Variants in RAPGEF2 observed in about 807,000 individuals in gnomAD.
RAPGEF2 encodes the protein PDZ domain containing guanine nucleotide exchange factor (GEF) 1.
A neutral mutation model predicts 186.7 loss-of-function variants in RAPGEF2; 54 were observed. That is an observed-to-expected ratio of 0.29 (90% CI 0.23 to 0.36). The LOEUF (loss-of-function observed/expected upper bound fraction) is 0.36. Among genes scored for constraint, RAPGEF2 ranks in the 10% least tolerant of loss-of-function variants. The pLI is 1.00. For missense variants in RAPGEF2, 1,532 were observed against 2,045.0 expected (o/e 0.75, Z 4.84); for synonymous variants, 712 against 705.9 (o/e 1.01, Z -0.14).
intron 1 of RAPGEF2, among the ~76,000 whole-genome samples, chr4:159,158,995 C>A (rs1744420271): frequency 6.6e-6 from 1 of 152,154 alleles, no homozygotes; most frequent in African/African-American, 2.4e-5. Flanking sequence ...TTAACGGCAA[C>A]ACTATAAAGT....
intron 7 of RAPGEF2, among the ~76,000 whole-genome samples, chr4:159,292,585 C>T (rs181439793): frequency 4.9e-4 from 75 of 152,238 alleles, no homozygotes; most frequent in African/African-American, 1.6e-3. Context: ...AGTACATCCA[C>T]CCTTCTTCCT....
At position 159,360,010 on chromosome 4, in the gene RAPGEF2, G is replaced by A. The variant is rs938831387; in HGVS notation, c.*1871G>A. ...GTATGTCTTTTAGAAAGACATTGGT[G>A]GAGTCTGTATCCCTTTTGTATTTTT... On this transcript the variant is annotated 3_prime_UTR_variant, in exon 30 of 30. Coordinates refer to ENST00000691494, the MANE Select transcript of RAPGEF2 (RefSeq NM_001394067.2). 6.6e-6 allele frequency: 1 copy of A among 152,156 alleles called. No individual in the cohort carries two copies. The highest frequency in any genetic ancestry group is 1.5e-5 in the Non-Finnish European group (1 of 68,032). 9.4% of individuals were successfully genotyped at this position (152,156 alleles called of 1,614,324 possible).
At chr4:159,347,131 A>T in intron 25 of RAPGEF2, 133 bp downstream of exon 25, 2 of 848,314 alleles carry the variant, frequency 2.4e-6, no homozygotes, top group Non-Finnish European at 3.6e-6. Context: ...CTCCTAATAA[A>T]ACATGAACAC....
chr4:159,253,493 G>T (rs571685868), intron 7 of RAPGEF2, among the ~76,000 whole-genome samples: 6 of 152,134 alleles, frequency 3.9e-5, no homozygotes, highest in Non-Finnish European at 8.8e-5. Flanking sequence ...GACTTACTGT[G>T]TTAGATATGT....
chr4:159,200,614 T>C (rs1341431419), intron 3 of RAPGEF2, among the ~76,000 whole-genome samples: 1 of 152,198 alleles, frequency 6.6e-6, no homozygotes, highest in Non-Finnish European at 1.5e-5. Context: ...ATTTTCAGTA[T>C]AAAGATGAAA....
chr4:159,141,603 TA>T (rs1210670474), intron 1 of RAPGEF2, among the ~76,000 whole-genome samples: 1 of 151,834 alleles, frequency 6.6e-6, no homozygotes, highest in African/African-American at 2.4e-5. Flanking sequence ...TATTTATATA[TA>T]TTTTTTAACA....
chr4:159,351,145 A>G (rs1561336024), intron 26 of RAPGEF2: 4 of 1,535,626 alleles, frequency 2.6e-6, no homozygotes, highest in Non-Finnish European at 3.5e-6. Flanking sequence ...TGAGAACAGT[A>G]ACAAGAATAA....
At chr4:159,294,944 C>T (rs371559799) in intron 7 of RAPGEF2, among the ~76,000 whole-genome samples, 1 of 152,176 alleles carries the variant, frequency 6.6e-6, no homozygotes, top group Non-Finnish European at 1.5e-5. Flanking sequence ...CTACCTGCCT[C>T]GGCCTCCCAA....
intron 3 of RAPGEF2, among the ~76,000 whole-genome samples, chr4:159,209,758 C>T (rs1347925171): frequency 1.3e-5 from 2 of 152,100 alleles, no homozygotes; most frequent in African/African-American, 4.8e-5. Context: ...GCTCCTAGAC[C>T]CAACAGTTGC....
intron 19 of RAPGEF2, 109 bp from the exon 20 acceptor site, chr4:159,341,455 C>A: frequency 8.8e-7 from 1 of 1,140,444 alleles, no homozygotes; most frequent in Non-Finnish European, 1.2e-6. Flanking sequence ...TTCCATAATT[C>A]AAATCAGTGC....
At chr4:159,309,476 G>A (rs758573332) in intron 8 of RAPGEF2, among the ~76,000 whole-genome samples, 1 of 152,160 alleles carries the variant, frequency 6.6e-6, no homozygotes, top group Non-Finnish European at 1.5e-5. Flanking sequence ...TTGAATGAAT[G>A]TAATTGAAAT....
chr4:159,329,758 A>G (rs937638637), intron 11 of RAPGEF2, 100 bp from the exon 12 acceptor site: 65 of 971,324 alleles, frequency 6.7e-5, no homozygotes, highest in Middle Eastern at 2.4e-4. Context: ...AAAGACAGGG[A>G]AAAATGTCAG....
intron 7 of RAPGEF2, among the ~76,000 whole-genome samples, chr4:159,260,151 C>A (rs2110736352): frequency 6.6e-6 from 1 of 152,082 alleles, no homozygotes. Context: ...CAACGACTGG[C>A]TAATTTTTTA....
chr4:159,108,950 C>A (rs1738199920), intron 1 of RAPGEF2, among the ~76,000 whole-genome samples: 1 of 152,028 alleles, frequency 6.6e-6, no homozygotes, highest in South Asian at 2.1e-4. Context: ...AAGTCCTGGG[C>A]AGAAGTGATC....
intron 1 of RAPGEF2, among the ~76,000 whole-genome samples, chr4:159,133,843 A>G (rs1484136994): frequency 3.3e-5 from 5 of 152,012 alleles, no homozygotes; most frequent in Middle Eastern, 3.2e-3. Flanking sequence ...TCGGCCTCCC[A>G]AAGTCCTGGG....
At chr4:159,306,613 G>C (rs1763329063) in intron 8 of RAPGEF2, among the ~76,000 whole-genome samples, 1 of 151,938 alleles carries the variant, frequency 6.6e-6, no homozygotes, top group East Asian at 1.9e-4. Context: ...TCCAGTTTGG[G>C]TGCCTTTTAT....
intron 24 of RAPGEF2, among the ~76,000 whole-genome samples, 184 bp downstream of exon 24, chr4:159,345,513 G>A (rs897519137): frequency 1.8e-4 from 28 of 152,180 alleles, no homozygotes; most frequent in Admixed American, 1.7e-3. Flanking sequence ...CGGCCAGGCC[G>A]TCATGTCAAC....
chr4:159,210,740 CTT>C lies in RAPGEF2; in HGVS notation c.281+159_281+160del, dbSNP rs1421500124. 5.9e-5 allele frequency among the ~76,000 whole-genome samples: 9 copies of C among 152,276 alleles called. 1 individual carries two copies. Among genetic ancestry groups the C allele is most frequent in the African/African-American group, 2.2e-4 (9 of 41,544 alleles). On this transcript the variant is annotated intron_variant, in intron 4 of 29. Coordinates refer to ENST00000691494, the MANE Select transcript of RAPGEF2 (RefSeq NM_001394067.2). Reference sequence around the variant, plus strand: ...TGATGCATGAATCTTTAAGAAATAACTTTGTTTTGTATATACTTTTCCAATCT... The same window carrying C: ...TGATGCATGAATCTTTAAGAAATAACTGTTTTGTATATACTTTTCCAATCT...
At chr4:159,152,774 C>T (rs183403147) in intron 1 of RAPGEF2, among the ~76,000 whole-genome samples, 26 of 152,212 alleles carry the variant, frequency 1.7e-4, no homozygotes, top group South Asian at 1.7e-3. Flanking sequence ...CCCACCACCA[C>T]GCCTGGCTAA....
Sources: gnomAD v4.1 joint callset for allele counts (sites outside exome capture counted in the v4.1 genomes callset) on GRCh38, gnomAD v4.1.1 for gene constraint, MANE v1.5 for transcripts, NCBI Gene and HGNC (gene_info 2026-07-23, HGNC 2026-07-21) for gene names.